SH2D6: variants seen among roughly 807,000 people sequenced by gnomAD.
SH2D6 encodes the protein SH2 domain containing 6, also known as SH2 domain-containing protein 6.
In SH2D6, 31 loss-of-function variants were observed where a neutral mutation model predicts 30.2. The ratio of observed to expected loss-of-function variants is 1.03; its 90% CI spans 0.77 to 1.38. The LOEUF (loss-of-function observed/expected upper bound fraction) is 1.38, where lower values mean the gene tolerates loss of function less well. SH2D6 is among the 40% of genes most tolerant of loss of function. The pLI, the probability that SH2D6 is intolerant of heterozygous loss-of-function variation, is 0.00. For missense variants in SH2D6, 240 were observed against 266.8 expected (o/e 0.90, Z 0.70); for synonymous variants, 93 against 104.6 (o/e 0.89, Z 0.68).
rs746103185 is a variant in SH2D6, at chr2:85,434,356, C to G, written c.550C>G (p.Gln184Glu). ...SVVPRPTTAP[Q>E]ETRNGTADAA... ...TTCCCACAGGCCTACCACAGCCCCC[C>G]AGGAAACTCGGAATGTAAGAGGCTG... is the stretch of plus-strand genomic sequence containing the variant. Residue 184 changes from glutamine to glutamate, a missense_variant, in exon 18 of 24, where the codon CAG (glutamine) becomes GAG (glutamate). Physicochemically the swap from Gln to Glu is conservative, Grantham distance 29. Coordinates refer to ENST00000469800, the MANE Select transcript of SH2D6 (RefSeq NM_001394463.1). 1.3e-5 allele frequency: 20 copies of G among 1,548,914 alleles called. No individual in the cohort carries two copies. The highest frequency in any genetic ancestry group is 2.0e-5 in the Admixed American group (1 of 50,898).
intron 12 of SH2D6, among the ~76,000 whole-genome samples, 179 bp from the exon 13 acceptor site, chr2:85,431,031 T>C (rs1688561942): frequency 6.6e-6 from 1 of 152,072 alleles, no homozygotes; most frequent in African/African-American, 2.4e-5. Context: ...CTCGGCCAGG[T>C]TGGGGCAGGG....
chr2:85,435,106 A>G lies in SH2D6; in HGVS notation c.631A>G (p.Ser211Gly). The G allele has an allele frequency of 6.6e-7, 1 of 1,520,472 alleles. No homozygotes were observed. Among genetic ancestry groups the G allele is most frequent in the African/African-American group, 1.4e-5 (1 of 69,674 alleles). 94.2% of individuals were successfully genotyped at this position (1,520,472 alleles called of 1,614,324 possible). Residue 211 changes from serine to glycine, a missense_variant, in exon 20 of 24, where the codon AGT (serine) becomes GGT (glycine). By Grantham distance (56) the Ser-to-Gly change is moderately conservative. Transcript: ENST00000469800. Reference protein sequence around the residue: ...SSLPSVAPTGSASAAEDSDLL... With the variant: ...SSLPSVAPTGGASAAEDSDLL... ...TCTTCCCTCTGTAGCCCCCACTGGG[A>G]GTGCCTCAGCTGCTGAGGTGAGGAG...
intron 22 of SH2D6, among the ~76,000 whole-genome samples, chr2:85,436,243 T>C (rs1226101198): frequency 6.6e-6 from 1 of 152,098 alleles, no homozygotes; most frequent in African/African-American, 2.4e-5. Flanking sequence ...GCCTTGGACA[T>C]AAGAGTCTGG....
chr2:85,436,877 G>A lies in SH2D6; in HGVS notation c.*53G>A. 1 of 376,434 alleles carries A rather than the reference G, an allele frequency of 2.7e-6. No individual in the cohort carries two copies. The highest frequency in any genetic ancestry group is 5.8e-5 in the East Asian group (1 of 17,176). 23.3% of individuals were successfully genotyped at this position (376,434 alleles called of 1,614,324 possible). A position where few individuals can be genotyped will look rare whatever the true frequency, so the allele number is the denominator to read the frequency against. ...CCCAGTTCACTAGGTCCTGGATGAAGGAACCGTGGTGGCCTAGACCAGTCA... is the reference window on the plus strand; with the variant it reads ...CCCAGTTCACTAGGTCCTGGATGAAAGAACCGTGGTGGCCTAGACCAGTCA... On this transcript the variant is annotated 3_prime_UTR_variant, in exon 24 of 24. Coordinates refer to ENST00000469800, the MANE Select transcript of SH2D6 (RefSeq NM_001394463.1).
At chr2:85,435,005 A>AC in intron 19 of SH2D6, 60 bp from the exon 20 acceptor site, 2 of 1,160,036 alleles carry the variant, frequency 1.7e-6, no homozygotes, top group Non-Finnish European at 2.2e-6. Flanking sequence ...CCTAGAAGCC[A>AC]CCTTTGCCCA....
In SH2D6 at chr2:85,435,800, C is replaced by A. The variant is rs761150940; in HGVS notation, c.867C>A (p.Gly289=). ...RLDGGRHYAL[G]REGRNREELF... ...ATGGCGGACGCCACTATGCCCTGGG[C>A]CGGGAGGGCAGGAACCGTGAGGAGG... The change falls in exon 22 of 24, where the codon GGC becomes GGA. Residue 289 remains glycine, a synonymous_variant. Coordinates refer to ENST00000469800, the MANE Select transcript of SH2D6 (RefSeq NM_001394463.1). The A allele has an allele frequency of 1.3e-6, 2 of 1,599,436 alleles. No individual in the cohort carries two copies. The highest frequency in any genetic ancestry group is 4.5e-5 in the East Asian group (2 of 44,368).
At chr2:85,436,187 G>A (rs1035602961) in intron 22 of SH2D6, among the ~76,000 whole-genome samples, 17 of 152,180 alleles carry the variant, frequency 1.1e-4, no homozygotes, top group Admixed American at 1.3e-4. Context: ...AGCTCCCCAC[G>A]CTGGAGGACC....
At chr2:85,434,865 G>A in intron 19 of SH2D6, 200 bp from the exon 20 acceptor site, 2 of 1,522,300 alleles carry the variant, frequency 1.3e-6, no homozygotes, top group Non-Finnish European at 1.8e-6. Context: ...CTCATTTGGA[G>A]GTCACACGAG....
At chr2:85,423,727 T>A (rs767633371) in intron 5 of SH2D6, among the ~76,000 whole-genome samples, 7 of 152,166 alleles carry the variant, frequency 4.6e-5, no homozygotes, top group Non-Finnish European at 1.0e-4. Context: ...GTCAGCTGAG[T>A]CAGCAGACCT....
At chr2:85,429,108 C>A (rs1451712748) in intron 7 of SH2D6, among the ~76,000 whole-genome samples, 2 of 152,252 alleles carry the variant, frequency 1.3e-5, no homozygotes, top group Non-Finnish European at 2.9e-5. Flanking sequence ...GCAAGGCCAG[C>A]ATGCTGTTTT....
chr2:85,425,285 T>C (rs1405781833), intron 5 of SH2D6, 23 bp from the exon 6 acceptor site: 1 of 144,994 alleles, frequency 6.9e-6, no homozygotes, highest in Non-Finnish European at 1.5e-5. Context: ...TTTTTGAGAC[T>C]GTGTTTCACT....
chr2:85,435,439 G>T lies in SH2D6; in HGVS notation c.675G>T (p.Trp225Cys), dbSNP rs1689325019. 1 of 1,613,790 alleles carries T rather than the reference G, an allele frequency of 6.2e-7. No individual in the cohort carries two copies. Among genetic ancestry groups the T allele is most frequent in the African/African-American group, 1.3e-5 (1 of 74,934 alleles). Reference protein sequence around the residue: ...AEDSDLLTQPWYSGNCDRYAV... With the variant: ...AEDSDLLTQPCYSGNCDRYAV... ...ACAGTGATCTGCTGACTCAGCCTTG[G>T]TACTCGGGGAACTGTGACCGCTATG... Residue 225 changes from tryptophan (W) to cysteine (C), a missense_variant, in exon 21 of 24, where the codon TGG becomes TGT. Transcript: ENST00000469800.
chr2:85,424,710 A>C (rs1239540325), intron 5 of SH2D6, among the ~76,000 whole-genome samples: 1 of 152,198 alleles, frequency 6.6e-6, no homozygotes, highest in African/African-American at 2.4e-5. Flanking sequence ...TTGAGGCTGC[A>C]GTGGTCTATG....
At chr2:85,423,417 G>T (rs1160320084) in intron 5 of SH2D6, among the ~76,000 whole-genome samples, 1 of 151,730 alleles carries the variant, frequency 6.6e-6, no homozygotes, top group Non-Finnish European at 1.5e-5. Context: ...ATTTTTAGTA[G>T]AGATGGGGTT....
In SH2D6 at chr2:85,434,430, A is replaced by G. The variant is rs1402208096; in HGVS notation, c.565-43A>G. The G allele has an allele frequency of 2.6e-6, 4 of 1,550,452 alleles. No individual in the cohort carries two copies. The Admixed American group carries it at 7.8e-5, about 30-fold the overall frequency. On this transcript the variant is annotated intron_variant, in intron 18 of 23. Coordinates refer to ENST00000469800, the MANE Select transcript of SH2D6 (RefSeq NM_001394463.1). ...GGCAGGGAGGGAGGCTCAGGGTGGGACCTGGGGCCCGGCCTCTTCTGATCA... is the reference window on the plus strand; with the variant it reads ...GGCAGGGAGGGAGGCTCAGGGTGGGGCCTGGGGCCCGGCCTCTTCTGATCA...
intron 6 of SH2D6, among the ~76,000 whole-genome samples, chr2:85,426,238 G>A (rs116054284): frequency 1.0e-3 from 157 of 152,194 alleles, no homozygotes; most frequent in African/African-American, 3.3e-3. Flanking sequence ...GCTACACTTC[G>A]CCATCTTCTC....
chr2:85,435,395 G>A lies in SH2D6; in HGVS notation c.649-18G>A, dbSNP rs1017033893. The A allele has an allele frequency of 1.2e-6, 2 of 1,611,464 alleles. No homozygotes were observed. Among genetic ancestry groups the A allele is most frequent in the African/African-American group, 2.7e-5 (2 of 74,840 alleles). On this transcript the variant is annotated intron_variant, in intron 20 of 23. Transcript: ENST00000469800. ...TGAGTGCCCTGGCATGTTTCTGAGT[G>A]ACTGTGTGTATGCACAGGACAGTGA...
chr2:85,420,066 G>A (rs1292727390), intron 2 of SH2D6, among the ~76,000 whole-genome samples: 1 of 152,074 alleles, frequency 6.6e-6, no homozygotes, highest in African/African-American at 2.4e-5. Context: ...CTCAGTCCCT[G>A]GACTCTTTAA....
rs1318741709 is a variant in SH2D6 at position 85,433,137 on chromosome 2, A to G, written c.393+16A>G. The stretch of plus-strand genomic sequence containing the variant: ...GTCCAGAGTGGTGAGCAGCCCCTCC[A>G]TTTCCACCTCAGTTTCCAGGCTTCT... On this transcript the variant is annotated intron_variant, in intron 15 of 23. Transcript: ENST00000469800. The G allele has an allele frequency of 1.0e-6, 1 of 985,514 alleles. No homozygotes were observed. Among genetic ancestry groups the G allele is most frequent in the African/African-American group, 1.7e-5 (1 of 57,190 alleles). The allele number at this position is 985,514 out of a possible 1,614,324, so 61.0% of individuals were successfully genotyped here. A position where few individuals can be genotyped will look rare whatever the true frequency, so the allele number is the denominator to read the frequency against.
Sources: gnomAD v4.1 joint callset for allele counts (sites outside exome capture counted in the v4.1 genomes callset) on GRCh38, gnomAD v4.1.1 for gene constraint, MANE v1.5 for transcripts, NCBI Gene and HGNC (gene_info 2026-07-23, HGNC 2026-07-21) for gene names.